ATL2: variants seen among roughly 807,000 people sequenced by gnomAD.
The protein encoded by ATL2 is atlastin GTPase 2, also known as atlastin-2.
A neutral mutation model predicts 73.9 loss-of-function variants in ATL2; 31 were observed. That is an observed-to-expected ratio of 0.42 (90% CI 0.32 to 0.57). The LOEUF is 0.57. ATL2 is among the 20% of genes least tolerant of loss of function. The probability of loss-of-function intolerance (pLI) is 0.14; values close to 1 mark genes in which losing one functional copy is unlikely to be tolerated. For synonymous variants in ATL2, 291 were observed against 237.5 expected, an observed-to-expected ratio of 1.23 and a Z score of -2.07; for missense variants, 738 against 702.6, an observed-to-expected ratio of 1.05 and a Z score of -0.57.
rs563419659 is a variant in ATL2 at position 38,301,435 on chromosome 2, C to T, written c.1072-1107G>A. Among the ~76,000 whole-genome samples, 4 of 152,330 alleles carry T rather than the reference C, an allele frequency of 2.6e-5. No individual in the cohort carries two copies. The South Asian group carries it at 8.3e-4, about 32-fold the overall frequency. ...GAACCAAAAATCAGGTGAGCAATCACAGTACCTGGTTTTAACTTCAGATCA... is the reference window on the plus strand; with the variant it reads ...GAACCAAAAATCAGGTGAGCAATCATAGTACCTGGTTTTAACTTCAGATCA... On this transcript the variant is annotated intron_variant, in intron 9 of 12. Transcript: ENST00000378954.
intron 1 of ATL2, among the ~76,000 whole-genome samples, chr2:38,344,811 T>C (rs1437739861): frequency 1.3e-5 from 2 of 152,162 alleles, no homozygotes; most frequent in Admixed American, 1.3e-4. Context: ...GTGAGATGCA[T>C]TTATATCTCA....
chr2:38,345,741 G>T (rs1350869507), intron 1 of ATL2, among the ~76,000 whole-genome samples: 1 of 152,158 alleles, frequency 6.6e-6, no homozygotes, highest in African/African-American at 2.4e-5. Flanking sequence ...AACAAAACAG[G>T]ATGCAAACGG....
At chr2:38,296,442 G>A (rs759015618) in intron 12 of ATL2, 34 of 1,566,226 alleles carry the variant, frequency 2.2e-5, no homozygotes, top group Middle Eastern at 4.3e-4. Flanking sequence ...ACATGTGTAA[G>A]TGTGAACACT....
At chr2:38,369,685 G>A (rs1409311284) in intron 1 of ATL2, among the ~76,000 whole-genome samples, 1 of 151,924 alleles carries the variant, frequency 6.6e-6, no homozygotes, top group African/African-American at 2.4e-5. Context: ...CCAGAAGGTG[G>A]AGGCTGCATA....
chr2:38,331,129 TCTA>T (rs1320795682), intron 2 of ATL2, among the ~76,000 whole-genome samples: 3 of 151,740 alleles, frequency 2.0e-5, no homozygotes, highest in African/African-American at 7.3e-5. Flanking sequence ...AAACCCTGTC[TCTA>T]CTAACATACA....
chr2:38,356,653 GT>G (rs1670686553), intron 1 of ATL2, among the ~76,000 whole-genome samples: 1 of 152,160 alleles, frequency 6.6e-6, no homozygotes, highest in Admixed American at 6.5e-5. Flanking sequence ...TTCCAACAAA[GT>G]TTTCCAGTAT....
intron 8 of ATL2, 41 bp from the exon 9 acceptor site, chr2:38,309,547 A>T: frequency 6.3e-7 from 1 of 1,584,928 alleles, no homozygotes; most frequent in Non-Finnish European, 8.5e-7. Flanking sequence ...GTCCAAAAAA[A>T]ATTAGGTCCC....
chr2:38,309,187 G>A (rs1310023017), intron 9 of ATL2, among the ~76,000 whole-genome samples, 192 bp downstream of exon 9: 1 of 152,042 alleles, frequency 6.6e-6, no homozygotes, highest in African/African-American at 2.4e-5. Flanking sequence ...TCACTGTCTA[G>A]GAGACAGAAA....
At position 38,298,500 on chromosome 2, in the gene ATL2, T is replaced by C; in HGVS notation, c.1276A>G (p.Ile426Val). The C allele has an allele frequency of 6.2e-7, 1 of 1,614,216 alleles. No homozygotes were observed. Among genetic ancestry groups the C allele is most frequent in the Non-Finnish European group, 8.5e-7 (1 of 1,180,006 alleles). The change falls in exon 12 of 13, where the codon ATA (isoleucine) becomes GTA (valine). Residue 426 changes from isoleucine to valine, a missense_variant. Ile to Val is a conservative substitution (Grantham distance 29). Coordinates refer to ENST00000378954, the MANE Select transcript of ATL2 (RefSeq NM_001135673.4). ...TTTTTTACTGAACGAAATTGTTTTATCGCCACTTCCTTGAGATCCAAGTGT... is the reference window on the plus strand; with the variant it reads ...TTTTTTACTGAACGAAATTGTTTTACCGCCACTTCCTTGAGATCCAAGTGT... ...RKHLDLKEVA[I>V]KQFRSVKKMG...
intron 2 of ATL2, among the ~76,000 whole-genome samples, chr2:38,323,204 C>T (rs781772792): frequency 2.8e-4 from 42 of 152,080 alleles, no homozygotes; most frequent in Non-Finnish European, 1.0e-4. Context: ...TAATCTGATA[C>T]TATTTACTAC....
intron 2 of ATL2, among the ~76,000 whole-genome samples, chr2:38,334,887 A>T (rs1322204616): frequency 3.2e-5 from 1 of 30,874 alleles, no homozygotes; most frequent in Non-Finnish European, 1.1e-4. Flanking sequence ...ATTATATAAT[A>T]TATAATATAT....
rs759614791 is a variant in ATL2, at chr2:38,309,522, T to C, written c.944-16A>G. On this transcript the variant is annotated splice_polypyrimidine_tract_variant and intron_variant, in intron 8 of 12. Transcript: ENST00000378954. ...TCATCAATATCTAGAAAACAAAAAA[T>C]TGAGCAACATATTAGTCCAAAAAAA... The C allele has an allele frequency of 1.2e-6, 2 of 1,604,872 alleles. No homozygotes were observed. The highest frequency in any genetic ancestry group is 1.7e-6 in the Non-Finnish European group (2 of 1,178,294).
At chr2:38,340,108 G>A (rs1005222812) in intron 2 of ATL2, among the ~76,000 whole-genome samples, 4 of 130,738 alleles carry the variant, frequency 3.1e-5, no homozygotes, top group African/African-American at 8.5e-5. Context: ...TTTCATTCAC[G>A]TAAAGTTCAA....
chr2:38,376,921 C>G (rs1672006031), intron 1 of ATL2, among the ~76,000 whole-genome samples: 1 of 150,882 alleles, frequency 6.6e-6, no homozygotes, highest in South Asian at 2.1e-4. Context: ...GTTCTCCCAG[C>G]AGCTACTGGA....
chr2:38,300,395 A>T (rs1016938347), intron 9 of ATL2, 67 bp from the exon 10 acceptor site: 12 of 1,056,726 alleles, frequency 1.1e-5, no homozygotes, highest in Admixed American at 1.1e-4. Flanking sequence ...CCAAAGAAAG[A>T]AAAGTCATTA....
chr2:38,372,815 T>C (rs1419346086), intron 1 of ATL2, among the ~76,000 whole-genome samples: 1 of 152,196 alleles, frequency 6.6e-6, no homozygotes, highest in East Asian at 1.9e-4. Flanking sequence ...GTTAAGCACT[T>C]TTAACACATT....
chr2:38,364,801 T>C (rs1290978998), intron 1 of ATL2, among the ~76,000 whole-genome samples: 3 of 152,176 alleles, frequency 2.0e-5, no homozygotes, highest in Non-Finnish European at 4.4e-5. Flanking sequence ...TCCCAGCACT[T>C]TGGGAGGCTG....
intron 1 of ATL2, among the ~76,000 whole-genome samples, chr2:38,366,381 TAA>T (rs1245076902): frequency 6.6e-6 from 1 of 152,242 alleles, no homozygotes; most frequent in African/African-American, 2.4e-5. Flanking sequence ...AAACATACTC[TAA>T]TACCATTTGG....
chr2:38,363,235 T>G (rs1031927904), intron 1 of ATL2, among the ~76,000 whole-genome samples: 1 of 152,192 alleles, frequency 6.6e-6, no homozygotes, highest in African/African-American at 2.4e-5. Flanking sequence ...ATCCTCCAAC[T>G]AAGCCAAACT....
Sources: gnomAD v4.1 joint callset for allele counts (sites outside exome capture counted in the v4.1 genomes callset) on GRCh38, gnomAD v4.1.1 for gene constraint, MANE v1.5 for transcripts, NCBI Gene and HGNC (gene_info 2026-07-23, HGNC 2026-07-21) for gene names.